SYN3: variants seen among roughly 807,000 people sequenced by gnomAD.
SYN3 encodes the protein synapsin-3.
SYN3 carries 35 observed loss-of-function variants against 65.8 expected under a neutral mutation model. The observed-to-expected ratio is 0.53, with a 90% confidence interval of 0.41 to 0.70. The LOEUF is 0.70. Ranked by LOEUF, SYN3 falls within the 30% of genes least tolerant of loss-of-function variation. The probability of loss-of-function intolerance (pLI) is 0.00; values close to 1 mark genes in which losing one functional copy is unlikely to be tolerated. For missense variants in SYN3, 680 were observed against 749.0 expected (o/e 0.91, Z 1.08); for synonymous variants, 270 against 292.9 (o/e 0.92, Z 0.80).
At chr22:32,956,061 T>TATATATATATAA (rs1263294092) in intron 3 of SYN3, among the ~76,000 whole-genome samples, 2 of 142,916 alleles carry the variant, frequency 1.4e-5, no homozygotes, top group African/African-American at 5.1e-5. Context: ...TATATATATA[T>TATATATATATAA]AAAATCTCCT....
chr22:32,532,966 G>C (rs1029800688), intron 10 of SYN3, among the ~76,000 whole-genome samples: 9 of 151,860 alleles, frequency 5.9e-5, no homozygotes, highest in Non-Finnish European at 8.8e-5. Flanking sequence ...GGAGAGCCAT[G>C]GGACATGGAG....
intron 4 of SYN3, among the ~76,000 whole-genome samples, chr22:32,888,807 A>T (rs241894): frequency 6.6e-6 from 1 of 152,032 alleles, no homozygotes; most frequent in Admixed American, 6.5e-5. Context: ...GATTTTTTTC[A>T]TTAGGGTTGC....
intron 1 of SYN3, among the ~76,000 whole-genome samples, chr22:33,054,161 G>A (rs1455821192): frequency 2.0e-5 from 3 of 151,986 alleles, no homozygotes; most frequent in East Asian, 1.9e-4. Flanking sequence ...TCTCACACTC[G>A]AACTCATCCA....
At chr22:32,948,474 T>C (rs142881131) in intron 3 of SYN3, among the ~76,000 whole-genome samples, 2,314 of 152,216 alleles carry the variant, frequency 0.015, 49 homozygotes, top group African/African-American at 0.053. Flanking sequence ...CGGTGGCTCA[T>C]GCCTGTAATC....
intron 6 of SYN3, among the ~76,000 whole-genome samples, chr22:32,598,717 C>A (rs979944826): frequency 5.9e-5 from 9 of 151,898 alleles, no homozygotes; most frequent in Non-Finnish European, 1.5e-5. Context: ...AACTCCTGAC[C>A]TCAGGTGATC....
chr22:32,636,007 T>A (rs1431410986), intron 6 of SYN3, among the ~76,000 whole-genome samples: 1 of 152,154 alleles, frequency 6.6e-6, no homozygotes, highest in African/African-American at 2.4e-5. Context: ...AAGGTATCGA[T>A]GTAGAAGGAA....
At chr22:33,050,885 C>T (rs576657927) in intron 1 of SYN3, among the ~76,000 whole-genome samples, 1 of 152,166 alleles carries the variant, frequency 6.6e-6, no homozygotes, top group Non-Finnish European at 1.5e-5. Flanking sequence ...CAGCGCAGCT[C>T]GGATGATGAA....
At chr22:32,612,134 C>T (rs55742512) in intron 6 of SYN3, among the ~76,000 whole-genome samples, 4,524 of 152,256 alleles carry the variant, frequency 0.03, 82 homozygotes, top group African/African-American at 0.054. Flanking sequence ...TCCTCTTCAT[C>T]TGACTGTTCT....
chr22:33,028,005 A>C (rs1160501545), intron 1 of SYN3, among the ~76,000 whole-genome samples: 1 of 152,198 alleles, frequency 6.6e-6, no homozygotes, highest in Non-Finnish European at 1.5e-5. Context: ...AGGCACAGGG[A>C]GATGAAGTGC....
At chr22:32,664,533 G>T (rs1308052571) in intron 6 of SYN3, among the ~76,000 whole-genome samples, 1 of 145,046 alleles carries the variant, frequency 6.9e-6, no homozygotes, top group Non-Finnish European at 1.5e-5. Flanking sequence ...TGATATCTGA[G>T]ATTTTGGTGC....
rs1555931895 is a variant in SYN3 at position 32,710,645 on chromosome 22, A to AAG, written c.712-113910_712-113909insCT. Among the ~76,000 whole-genome samples, 3 of 127,034 alleles carry AAG rather than the reference A, an allele frequency of 2.4e-5. No individual in the cohort carries two copies. In the East Asian group the frequency reaches 1.1e-3, roughly 48 times the overall value. 83.3% of individuals were successfully genotyped at this position (127,034 alleles called of 152,430 possible). A position where few individuals can be genotyped will look rare whatever the true frequency, so the allele number is the denominator to read the frequency against. ...GAGACTCTGTCTCAAAAAAAAAAAA[A>AAG]AAAGAAAGAAAGAAAAAGAAAGAAA... is the stretch of plus-strand genomic sequence containing the variant. On this transcript the variant is annotated intron_variant, in intron 6 of 13. Transcript: ENST00000358763.
In SYN3 at chr22:32,693,807, G is replaced by C. The variant is rs1372068216; in HGVS notation, c.712-97071C>G. ...GCATCTCACCGTGATGGCCAGGCTG[G>C]TCTCGAACTCCTGACCTCAAGTAAT... On this transcript the variant is annotated intron_variant, in intron 6 of 13. Transcript: ENST00000358763. Among the ~76,000 whole-genome samples the C allele has an allele frequency of 5.9e-5, 9 of 151,888 alleles. No homozygotes were observed. The East Asian group carries it at 1.4e-3, about 23-fold the overall frequency.
At chr22:32,897,815 T>C (rs570216319) in intron 4 of SYN3, among the ~76,000 whole-genome samples, 2 of 152,296 alleles carry the variant, frequency 1.3e-5, no homozygotes, top group Admixed American at 1.3e-4. Context: ...AGCAAGTCTT[T>C]TTATATATAT....
intron 3 of SYN3, among the ~76,000 whole-genome samples, chr22:32,955,151 G>A (rs961419075): frequency 2.0e-5 from 3 of 151,972 alleles, no homozygotes; most frequent in African/African-American, 4.8e-5. Context: ...GCACCCCCAG[G>A]TGAGGACCTA....
At position 33,008,960 on chromosome 22, in the gene SYN3, A is replaced by C. The variant is rs991330750; in HGVS notation, c.-162-2136T>G. On this transcript the variant is annotated intron_variant, in intron 1 of 13. Coordinates refer to ENST00000358763, the MANE Select transcript of SYN3 (RefSeq NM_003490.4). ...AAAAAAAAAAAAAAAAAAAAAAAAA[A>C]AAAGAGAGAGAGAGAAAAGAAAAAG... Among the ~76,000 whole-genome samples the C allele has an allele frequency of 2.5e-3, 319 of 125,182 alleles. 4 individuals are homozygous for C. The highest frequency in any genetic ancestry group is 0.012 in the South Asian group (46 of 3,858). The allele number at this position is 125,182 out of a possible 152,430, so 82.1% of individuals were successfully genotyped here.
chr22:32,534,988 C>T (rs139774574), intron 9 of SYN3, among the ~76,000 whole-genome samples: 74 of 152,244 alleles, frequency 4.9e-4, no homozygotes, highest in Middle Eastern at 3.4e-3. Context: ...AGGATGGAGA[C>T]TCACACCCAT....
chr22:32,569,223 A>ATTTT (rs1427552005), intron 7 of SYN3, among the ~76,000 whole-genome samples: 1 of 132,598 alleles, frequency 7.5e-6, no homozygotes, highest in Non-Finnish European at 1.6e-5. Context: ...TATCTACCTA[A>ATTTT]TTCTTTCTTT....
intron 6 of SYN3, among the ~76,000 whole-genome samples, chr22:32,661,283 TC>T (rs1179903528): frequency 1.3e-5 from 2 of 152,182 alleles, no homozygotes; most frequent in Non-Finnish European, 2.9e-5. Context: ...CCTCTGGGGC[TC>T]CAGCAAAGAG....
At chr22:32,820,272 G>T (rs530482837) in intron 6 of SYN3, among the ~76,000 whole-genome samples, 1 of 146,784 alleles carries the variant, frequency 6.8e-6, no homozygotes, top group African/African-American at 2.6e-5. Flanking sequence ...GCGTGCGCGT[G>T]TGTGTGTGTG....
Sources: gnomAD v4.1 joint callset for allele counts (sites outside exome capture counted in the v4.1 genomes callset) on GRCh38, gnomAD v4.1.1 for gene constraint, MANE v1.5 for transcripts, NCBI Gene and HGNC (gene_info 2026-07-23, HGNC 2026-07-21) for gene names.